TCF7: variants seen among roughly 807,000 people sequenced by gnomAD.
The protein encoded by TCF7 is transcription factor 7.
In TCF7, 19 loss-of-function variants were observed where a neutral mutation model predicts 46.8. The observed-to-expected ratio is 0.41, with a 90% confidence interval of 0.28 to 0.60. The LOEUF (loss-of-function observed/expected upper bound fraction) is 0.60. TCF7 is among the 20% of genes least tolerant of loss of function. The pLI is 0.35. For missense variants in TCF7, 547 were observed against 504.6 expected (o/e 1.08, Z -0.81); for synonymous variants, 245 against 213.4 (o/e 1.15, Z -1.29).
chr5:134,112,594 C>T (rs947959441), upstream of TCF7, among the ~76,000 whole-genome samples: 2 of 152,104 alleles, frequency 1.3e-5, no homozygotes, highest in Admixed American at 6.5e-5. Flanking sequence ...TCCAAAGAAA[C>T]TTGAGGGTGG....
chr5:134,143,320 C>A, intron 8 of TCF7: 1 of 767,664 alleles, frequency 1.3e-6, no homozygotes, highest in Non-Finnish European at 2.3e-6. Flanking sequence ...TGTTACCCAA[C>A]ATTTGATTGG....
intron 3 of TCF7, among the ~76,000 whole-genome samples, chr5:134,119,489 T>C (rs1756285783): frequency 6.6e-6 from 1 of 152,248 alleles, no homozygotes; most frequent in South Asian, 2.1e-4. Flanking sequence ...TTTTATGATA[T>C]GTGAATTACA....
At chr5:134,120,754 C>T (rs555065706) in intron 3 of TCF7, among the ~76,000 whole-genome samples, 114 of 152,384 alleles carry the variant, frequency 7.5e-4, no homozygotes, top group Non-Finnish European at 1.3e-3. Flanking sequence ...GGCAACTCTT[C>T]GGGCTCAAAC....
At chr5:134,115,289 C>G in intron 1 of TCF7, 32 bp from the exon 2 acceptor site, 2 of 1,529,030 alleles carry the variant, frequency 1.3e-6, no homozygotes, top group East Asian at 2.6e-5. Flanking sequence ...GCGGTCCCAC[C>G]GCCCCTCACT....
Position 134,146,423 on chromosome 5 carries a change from G to C in TCF7, c.*120G>C. ...ACCTACATCCCCAGGTCTCTCCACT[G>C]CTCTCAGCCTCCCAACCCCAGGGCC... On this transcript the variant is annotated 3_prime_UTR_variant, in exon 10 of 10. Transcript: ENST00000342854. 8.0e-7 allele frequency: 1 copy of C among 1,251,782 alleles called. No homozygotes were observed. Among genetic ancestry groups the C allele is most frequent in the Non-Finnish European group, 1.2e-6 (1 of 852,224 alleles). The allele number at this position is 1,251,782 out of a possible 1,614,324, so 77.5% of individuals were successfully genotyped here.
chr5:134,123,561 C>T (rs1756902072), intron 3 of TCF7: 1 of 402,316 alleles, frequency 2.5e-6, no homozygotes, highest in South Asian at 1.8e-5. Context: ...GGTGGGGGCC[C>T]CACTGGAACA....
At chr5:134,117,713 C>T (rs556589071) in intron 3 of TCF7, among the ~76,000 whole-genome samples, 2 of 152,346 alleles carry the variant, frequency 1.3e-5, no homozygotes, top group East Asian at 3.9e-4. Flanking sequence ...GGAGGAGGCA[C>T]ACCACCACTG....
chr5:134,142,978 T>G lies in TCF7; in HGVS notation c.919-15T>G, dbSNP rs774563261. 5 of 1,613,636 alleles carry G rather than the reference T, an allele frequency of 3.1e-6. No homozygotes were observed. In the East Asian group the frequency reaches 1.1e-4, roughly 36 times the overall value. On this transcript the variant is annotated splice_polypyrimidine_tract_variant and intron_variant, in intron 7 of 9. Transcript: ENST00000342854. The stretch of plus-strand genomic sequence containing the variant: ...CTCCCTGATGCACCCCACCTGCCCC[T>G]CTTCCCTGTTGCAGTGGCACGCGCT...
intron 3 of TCF7, among the ~76,000 whole-genome samples, chr5:134,118,506 C>T (rs1756138955): frequency 6.6e-6 from 1 of 152,158 alleles, no homozygotes; most frequent in Non-Finnish European, 1.5e-5. Context: ...CATGTGGCTA[C>T]TGTGTTAGAG....
At chr5:134,134,189 A>G (rs940010802) in intron 3 of TCF7, among the ~76,000 whole-genome samples, 28 of 151,684 alleles carry the variant, frequency 1.8e-4, no homozygotes, top group African/African-American at 6.3e-4. Flanking sequence ...CAGAGCCCCA[A>G]CTCTGGGCAG....
chr5:134,137,425 C>CAAAAA (rs752883165), intron 3 of TCF7, among the ~76,000 whole-genome samples: 1 of 56,558 alleles, frequency 1.8e-5, no homozygotes, highest in African/African-American at 5.6e-5. Context: ...GACTCTGTCT[C>CAAAAA]AAAAAAAAAA....
At chr5:134,111,269 A>T (rs531930364), upstream of TCF7, among the ~76,000 whole-genome samples, 1 of 152,270 alleles carries the variant, frequency 6.6e-6, no homozygotes, top group African/African-American at 2.4e-5. Flanking sequence ...GTCCTGACTT[A>T]GTCCTGTTTC....
At position 134,143,330 on chromosome 5, in the gene TCF7, G is replaced by C. The variant is rs1391455941; in HGVS notation, c.1026+230G>C. 3.9e-6 allele frequency: 3 copies of C among 769,234 alleles called. No homozygotes were observed. The Admixed American group carries it at 5.2e-5, about 13-fold the overall frequency. 47.7% of individuals were successfully genotyped at this position (769,234 alleles called of 1,614,324 possible). A position where few individuals can be genotyped will look rare whatever the true frequency, so the allele number is the denominator to read the frequency against. On this transcript the variant is annotated intron_variant, in intron 8 of 9. Transcript: ENST00000342854. ...TGAGCTGTTACCCAACATTTGATTG[G>C]GCCACATGGGCAGAAGGGGAGAAAG... is the stretch of plus-strand genomic sequence containing the variant.
intron 4 of TCF7, 197 bp from the exon 5 acceptor site, chr5:134,138,754 C>G: frequency 1.2e-6 from 1 of 814,522 alleles, no homozygotes; most frequent in Non-Finnish European, 1.9e-6. Context: ...CCCCAGCCCT[C>G]TGCCCTGGGT....
intron 2 of TCF7, chr5:134,115,699 T>G: frequency 7.0e-7 from 1 of 1,425,116 alleles, no homozygotes; most frequent in Non-Finnish European, 9.1e-7. Context: ...GGGCGGGGGG[T>G]GGGAGGTCAA....
intron 2 of TCF7, 61 bp downstream of exon 2, chr5:134,115,448 G>T: frequency 6.5e-7 from 1 of 1,543,926 alleles, no homozygotes; most frequent in Non-Finnish European, 8.8e-7. Flanking sequence ...TCGGTGGGAC[G>T]GGGACGCCAA....
rs1760374949 is a variant in TCF7, at chr5:134,144,500, T to C, written c.1075+860T>C. Reference sequence around the variant, plus strand: ...TTGGGCCCCTCTGCAGCCTCCATGCTGCAAGGGCCCCACAAGCCACAGAGA... The same window carrying C: ...TTGGGCCCCTCTGCAGCCTCCATGCCGCAAGGGCCCCACAAGCCACAGAGA... On this transcript the variant is annotated intron_variant, in intron 9 of 9. Transcript: ENST00000342854. 18 of 408,810 alleles carry C rather than the reference T, an allele frequency of 4.4e-5. No homozygotes were observed. In the South Asian group the frequency reaches 5.1e-4, roughly 12 times the overall value. The allele number at this position is 408,810 out of a possible 1,614,324, so 25.3% of individuals were successfully genotyped here. A position where few individuals can be genotyped will look rare whatever the true frequency, so the allele number is the denominator to read the frequency against.
Position 134,139,068 on chromosome 5 carries a change from C to T in TCF7, c.635+30C>T, listed in dbSNP as rs1759336418. 2.5e-6 allele frequency: 4 copies of T among 1,611,940 alleles called. No homozygotes were observed. In the East Asian group the frequency reaches 6.7e-5, roughly 27 times the overall value. On this transcript the variant is annotated intron_variant, in intron 5 of 9. Coordinates refer to ENST00000342854, the MANE Select transcript of TCF7 (RefSeq NM_003202.5). ...GTGTGGGCCCAATGGGAAAGGGGTA[C>T]CGTGTGCTGGTCAGACCAAGACCTG...
At chr5:134,115,861 C>CA (rs1474034592) in intron 2 of TCF7, 48 bp from the exon 3 acceptor site, 3 of 1,612,494 alleles carry the variant, frequency 1.9e-6, no homozygotes, top group Non-Finnish European at 2.5e-6. Context: ...CCTTCAGTCC[C>CA]AGCCGCTGCC....
Sources: allele counts gnomAD v4.1 joint callset (sites outside exome capture counted in the v4.1 genomes callset), GRCh38; gene constraint gnomAD v4.1.1; transcripts MANE v1.5; gene names NCBI Gene and HGNC (gene_info 2026-07-23, HGNC 2026-07-21).